The following DST variants were observed in gnomAD, a reference collection of about 807,000 sequenced individuals.
DST encodes dystonin.
In DST, 253 loss-of-function variants were observed where a neutral mutation model predicts 875.2. The ratio of observed to expected loss-of-function variants is 0.29; its 90% confidence interval spans 0.26 to 0.32. The LOEUF is 0.32. Ranked by LOEUF, DST falls within the 10% of genes least tolerant of loss-of-function variation. The pLI is 1.00. For synonymous variants in DST, 3,124 were observed against 3,197.1 expected (o/e 0.98, Z 0.77); for missense variants, 8,287 against 9,111.6 (o/e 0.91, Z 3.68).
chr6:56,840,426 A>G lies in DST; in HGVS notation c.625+10971T>C, dbSNP rs74764040. ...ATAATAAAGAATTATGTTTTACTCA[A>G]AAATAAATGCCTTTATTCAGCCGAA... On this transcript the variant is annotated intron_variant, in intron 4 of 103. Coordinates refer to ENST00000680361, the MANE Select transcript of DST (RefSeq NM_001374736.1). 2.7e-3 allele frequency among the ~76,000 whole-genome samples: 408 copies of G among 152,356 alleles called. 2 individuals carry two copies. The highest frequency in any genetic ancestry group is 0.014 in the Middle Eastern group (4 of 294).
At chr6:56,642,308 G>C (rs896707635) in intron 16 of DST, 102 bp downstream of exon 16, 8 of 936,640 alleles carry the variant, frequency 8.5e-6, no homozygotes, top group Admixed American at 1.8e-5. Context: ...TCAGTGGAGA[G>C]TATTACGAAG....
intron 2 of DST, among the ~76,000 whole-genome samples, chr6:56,945,246 G>A (rs969121526): frequency 6.6e-6 from 1 of 152,132 alleles, no homozygotes; most frequent in African/African-American, 2.4e-5. Flanking sequence ...GATGAGTTGG[G>A]GAAGGGGATG....
chr6:56,836,653 A>G (rs1243895731), intron 4 of DST, among the ~76,000 whole-genome samples: 1 of 151,936 alleles, frequency 6.6e-6, no homozygotes, highest in East Asian at 1.9e-4. Context: ...GATCGAGACC[A>G]TCCTGGCTAA....
chr6:56,611,845 C>T (rs1233865809), intron 37 of DST, among the ~76,000 whole-genome samples: 7 of 152,132 alleles, frequency 4.6e-5, no homozygotes, highest in Admixed American at 6.6e-5. Context: ...ATACATTATA[C>T]GTTTCCTGCA....
At chr6:56,834,157 T>C (rs1268815459) in intron 4 of DST, among the ~76,000 whole-genome samples, 1 of 151,960 alleles carries the variant, frequency 6.6e-6, no homozygotes, top group African/African-American at 2.4e-5. Flanking sequence ...GAGACACAAG[T>C]TCATGGTTAC....
In DST at chr6:56,561,576, G is replaced by T; in HGVS notation, c.14069-27C>A. On this transcript the variant is annotated intron_variant, in intron 56 of 103. Coordinates refer to ENST00000680361, the MANE Select transcript of DST (RefSeq NM_001374736.1). ...TAGGAGTAAGAAAAACAACTATACT[G>T]ACACATTTTCAGGACATTTGGAGCA... The T allele has an allele frequency of 1.9e-6, 3 of 1,583,536 alleles. No individual in the cohort carries two copies. The South Asian group carries it at 3.5e-5, about 18-fold the overall frequency.
intron 2 of DST, among the ~76,000 whole-genome samples, chr6:56,921,999 A>G (rs1804524196): frequency 6.6e-6 from 1 of 152,166 alleles, no homozygotes; most frequent in Admixed American, 6.5e-5. Flanking sequence ...GCTGTTTACG[A>G]AATTATTTCC....
At chr6:56,575,142 C>T (rs2097845679) in intron 50 of DST, among the ~76,000 whole-genome samples, 2 of 151,856 alleles carry the variant, frequency 1.3e-5, no homozygotes, top group African/African-American at 2.4e-5. Context: ...AAAATGCCAT[C>T]GGCAGAGGAA....
rs1388985487 is a variant in DST, at chr6:56,489,562, T to C, written c.20805A>G (p.Glu6935=). The change falls in exon 86 of 104, where the codon GAA becomes GAG. Residue 6935 remains glutamate, a synonymous_variant. Transcript: ENST00000680361. ...SKLMEWLEES[E]KSLDSELEIA... is the part of the protein sequence containing the mutation. ...TTTCCAGTTCAGAATCCAAAGACTT[T>C]TCTGACTCTTCTAGCCACTCCATAA... is the stretch of plus-strand genomic sequence containing the variant. 1 of 1,613,298 alleles carries C rather than the reference T, an allele frequency of 6.2e-7. No individual in the cohort carries two copies. The highest frequency in any genetic ancestry group is 1.1e-5 in the South Asian group (1 of 91,036).
chr6:56,560,663 G>A (rs2097524370), intron 57 of DST, among the ~76,000 whole-genome samples: 1 of 151,976 alleles, frequency 6.6e-6, no homozygotes, highest in Non-Finnish European at 1.5e-5. Flanking sequence ...AATGACTCTT[G>A]TCCCCATTAG....
Position 56,936,748 on chromosome 6 carries a change from A to G in DST, c.216+17037T>C, listed in dbSNP as rs148638712. ...AAAAAGGGAATCCGAAAGTACTATC[A>G]ACCATACAGAATTAAAAAGAGCAGA... On this transcript the variant is annotated intron_variant, in intron 2 of 103. Coordinates refer to ENST00000680361, the MANE Select transcript of DST (RefSeq NM_001374736.1). 8.5e-4 allele frequency among the ~76,000 whole-genome samples: 129 copies of G among 152,296 alleles called. 3 individuals carry two copies. The highest frequency in any genetic ancestry group is 3.0e-3 in the African/African-American group (124 of 41,564).
In DST at chr6:56,611,472, C is replaced by T. The variant is rs756857635; in HGVS notation, c.5147+36G>A. ...CTGAAAGCTTTTAAGAATACTTCCC[C>T]ACTTAAAATAAAAGAGCTAACTACA... On this transcript the variant is annotated intron_variant, in intron 38 of 103. Coordinates refer to ENST00000680361, the MANE Select transcript of DST (RefSeq NM_001374736.1). The T allele has an allele frequency of 1.2e-5, 17 of 1,424,176 alleles. No homozygotes were observed. The South Asian group carries it at 1.8e-4, about 15-fold the overall frequency. The allele number at this position is 1,424,176 out of a possible 1,614,324, so 88.2% of individuals were successfully genotyped here.
At chr6:56,628,580 TG>T (rs1337127269) in intron 32 of DST, among the ~76,000 whole-genome samples, 6 of 152,340 alleles carry the variant, frequency 3.9e-5, no homozygotes, top group Non-Finnish European at 8.8e-5. Context: ...TTCCAGGAGC[TG>T]TGATTACATA....
rs1421080091 is a variant in DST at position 56,608,239 on chromosome 6, A to G, written c.6389T>C (p.Ile2130Thr). ...TAAAATTGATGCTGTGTTGTTGTCT[A>G]TAATTCCTAGCTGTTTAGCAGCATC... ...GLDAAKQLGI[I>T]DNNTASILKN... is the part of the protein sequence containing the mutation. Residue 2130 changes from isoleucine (I) to threonine (T), a missense_variant, in exon 40 of 104, where the codon ATA (isoleucine) becomes ACA (threonine). Ile to Thr is a moderately conservative substitution (Grantham distance 89). This residue lies in a region of DST where 3,138 missense variants were observed against 3,116.6 expected (regional missense o/e 1.01). Coordinates refer to ENST00000680361, the MANE Select transcript of DST (RefSeq NM_001374736.1). 6.2e-7 allele frequency: 1 copy of G among 1,613,700 alleles called. No homozygotes were observed. The highest frequency in any genetic ancestry group is 8.5e-7 in the Non-Finnish European group (1 of 1,179,758).
chr6:56,609,317 C>A lies in DST; in HGVS notation c.5311G>T (p.Asp1771Tyr). 1 of 1,610,222 alleles carries A rather than the reference C, an allele frequency of 6.2e-7. No individual in the cohort carries two copies. Among genetic ancestry groups the A allele is most frequent in the South Asian group, 1.1e-5 (1 of 90,780 alleles). Residue 1771 changes from aspartate to tyrosine, a missense_variant, in exon 40 of 104, where the codon GAT (aspartate) becomes TAT (tyrosine). Physicochemically the swap from Asp to Tyr is radical, Grantham distance 160. Around this residue, in one of 10 missense-constraint regions of DST, gnomAD observed 3,138 missense variants for 3,116.6 expected, o/e 1.01. Coordinates refer to ENST00000680361, the MANE Select transcript of DST (RefSeq NM_001374736.1). ...KLDKVIAGTI[D>Y]QTTGEVLSVF... Reference sequence around the variant, plus strand: ...GAAAGGACTTCTCCAGTTGTCTGATCAATGGTGCCTGCAATCACTTTATCC... The same window carrying A: ...GAAAGGACTTCTCCAGTTGTCTGATAAATGGTGCCTGCAATCACTTTATCC...
At chr6:56,694,242 A>G (rs539832722) in intron 9 of DST, among the ~76,000 whole-genome samples, 1 of 151,456 alleles carries the variant, frequency 6.6e-6, no homozygotes, top group Non-Finnish European at 1.5e-5. Flanking sequence ...TTAGAATAGC[A>G]TGAAATGGAT....
chr6:56,563,274 C>T (rs1234928974), intron 55 of DST, among the ~76,000 whole-genome samples: 3 of 152,148 alleles, frequency 2.0e-5, no homozygotes, highest in Non-Finnish European at 2.9e-5. Flanking sequence ...TTAATGATTG[C>T]CATTCTAACT....
intron 64 of DST, among the ~76,000 whole-genome samples, chr6:56,532,138 G>A (rs988845071): frequency 6.6e-6 from 1 of 152,172 alleles, no homozygotes; most frequent in African/African-American, 2.4e-5. Flanking sequence ...GGAAATGCTT[G>A]TCTTAAAAAG....
At chr6:56,855,380 C>T (rs1409485182) in intron 3 of DST, among the ~76,000 whole-genome samples, 2 of 152,076 alleles carry the variant, frequency 1.3e-5, no homozygotes, top group Admixed American at 1.3e-4. Context: ...TCAACGTGAG[C>T]TATACATACA....
Sources: gnomAD v4.1 joint callset for allele counts (sites outside exome capture counted in the v4.1 genomes callset) on GRCh38, gnomAD v4.1.1 for gene constraint, gnomAD v4.1.1 regional missense constraint, MANE v1.5 for transcripts, NCBI Gene and HGNC (gene_info 2026-07-23, HGNC 2026-07-21) for gene names.